The following CENPP variants were observed in gnomAD, a reference collection of about 807,000 sequenced individuals.
CENPP encodes the protein centromere protein P.
Under a neutral mutation model 35.6 loss-of-function variants are expected in CENPP, and 24 were observed. That is an observed-to-expected ratio of 0.67 (90% CI 0.49 to 0.95). The LOEUF (loss-of-function observed/expected upper bound fraction) is 0.95. CENPP is among the 40% of genes least tolerant of loss of function. CENPP has a pLI of 0.00. For synonymous variants in CENPP, 120 were observed against 125.5 expected, an observed-to-expected ratio of 0.96 and a Z score of 0.29; for missense variants, 332 against 345.3, an observed-to-expected ratio of 0.96 and a Z score of 0.31.
chr9:92,479,869 A>G (rs1171815324), intron 5 of CENPP, among the ~76,000 whole-genome samples: 1 of 152,188 alleles, frequency 6.6e-6, no homozygotes, highest in East Asian at 1.9e-4. Flanking sequence ...AATCAAGTAT[A>G]GGTCCTAAAC....
At chr9:92,449,136 T>A (rs1163025167) in intron 5 of CENPP, among the ~76,000 whole-genome samples, 2 of 152,024 alleles carry the variant, frequency 1.3e-5, no homozygotes, top group Non-Finnish European at 2.9e-5. Context: ...TTTCCTTAGC[T>A]CCTACACCTA....
At chr9:92,548,686 G>C (rs1051488793) in intron 5 of CENPP, among the ~76,000 whole-genome samples, 3 of 152,144 alleles carry the variant, frequency 2.0e-5, no homozygotes, top group Non-Finnish European at 4.4e-5. Flanking sequence ...ACAAAAAATA[G>C]GCAAGATATC....
intron 5 of CENPP, among the ~76,000 whole-genome samples, chr9:92,508,794 G>A (rs1471492548): frequency 1.3e-5 from 2 of 151,766 alleles, no homozygotes; most frequent in Admixed American, 6.6e-5. Flanking sequence ...AAGTTTTTTG[G>A]GAGCTACAGG....
intron 5 of CENPP, among the ~76,000 whole-genome samples, chr9:92,422,274 G>A (rs1464024135): frequency 2.6e-5 from 4 of 152,004 alleles, no homozygotes; most frequent in Non-Finnish European, 5.9e-5. Flanking sequence ...GCCTGGTCTC[G>A]AACTCCTGAC....
At chr9:92,570,811 G>A (rs1464157732) in intron 5 of CENPP, among the ~76,000 whole-genome samples, 1 of 152,178 alleles carries the variant, frequency 6.6e-6, no homozygotes, top group Non-Finnish European at 1.5e-5. Flanking sequence ...TCTTGGGAGG[G>A]TGTATGTGTC....
At chr9:92,412,389 A>C (rs138030823) in intron 5 of CENPP, among the ~76,000 whole-genome samples, 3 of 152,304 alleles carry the variant, frequency 2.0e-5, no homozygotes, top group African/African-American at 7.2e-5. Flanking sequence ...ACCCAGCCTA[A>C]AGTATACAAT....
chr9:92,500,658 T>A, intron 5 of CENPP: 1 of 1,456,486 alleles, frequency 6.9e-7, no homozygotes, highest in Non-Finnish European at 9.4e-7. Flanking sequence ...AGAGATCATG[T>A]CATGGTTGTT....
intron 5 of CENPP, among the ~76,000 whole-genome samples, chr9:92,488,520 C>CT (rs1367575051): frequency 6.6e-6 from 1 of 152,154 alleles, no homozygotes; most frequent in Non-Finnish European, 1.5e-5. Flanking sequence ...TCCATTATAG[C>CT]TTTCACCATA....
intron 5 of CENPP, among the ~76,000 whole-genome samples, chr9:92,551,849 A>G (rs991703985): frequency 7.3e-5 from 11 of 149,878 alleles, no homozygotes; most frequent in African/African-American, 2.4e-4. Flanking sequence ...TGGTGTGTGT[A>G]TATATATATA....
In CENPP at chr9:92,349,947, G is replaced by A. The variant is rs1049912155; in HGVS notation, c.467+4160G>A. ...TAACCAGAAGTGGAATTGCTGAGTC[G>A]TATAAGAGTATGTTTAAATTTATAA... On this transcript the variant is annotated intron_variant, in intron 4 of 7. Transcript: ENST00000375587. 4.6e-5 allele frequency among the ~76,000 whole-genome samples: 7 copies of A among 152,230 alleles called. No homozygotes were observed. In the South Asian group the frequency reaches 6.2e-4, roughly 14 times the overall value.
intron 3 of CENPP, 64 bp downstream of exon 3, chr9:92,337,693 C>T: frequency 9.8e-7 from 1 of 1,017,614 alleles, no homozygotes; most frequent in South Asian, 1.3e-5. Context: ...AATTCCCACA[C>T]CCCAGCCTTC....
intron 5 of CENPP, among the ~76,000 whole-genome samples, chr9:92,553,450 G>A (rs1849656810): frequency 6.6e-6 from 1 of 152,042 alleles, no homozygotes; most frequent in Non-Finnish European, 1.5e-5. Context: ...AAAAAGGATG[G>A]TGGTATTTTG....
chr9:92,399,426 AC>A (rs1370937842), intron 5 of CENPP, among the ~76,000 whole-genome samples: 1 of 152,120 alleles, frequency 6.6e-6, no homozygotes, highest in Non-Finnish European at 1.5e-5. Flanking sequence ...AATTAGAGTT[AC>A]TAGATCTTTA....
intron 5 of CENPP, among the ~76,000 whole-genome samples, chr9:92,380,907 C>T (rs1463968217): frequency 1.3e-5 from 2 of 152,164 alleles, no homozygotes; most frequent in African/African-American, 4.8e-5. Context: ...ACGTGCTTTC[C>T]AGTCAGGTAT....
intron 5 of CENPP, among the ~76,000 whole-genome samples, chr9:92,609,053 C>T (rs888945016): frequency 6.6e-6 from 1 of 152,268 alleles, no homozygotes; most frequent in African/African-American, 2.4e-5. Context: ...TTACGGTCCT[C>T]ATGCAGTTGT....
chr9:92,349,786 C>T (rs1841398744), intron 4 of CENPP, among the ~76,000 whole-genome samples: 2 of 152,198 alleles, frequency 1.3e-5, no homozygotes, highest in African/African-American at 4.8e-5. Flanking sequence ...CACACATACA[C>T]ATGCATTCAT....
At position 92,517,839 on chromosome 9, in the gene CENPP, A is replaced by G. The variant is rs530853441; in HGVS notation, c.565-93475A>G. On this transcript the variant is annotated intron_variant, in intron 5 of 7. Coordinates refer to ENST00000375587, the MANE Select transcript of CENPP (RefSeq NM_001012267.3). ...AGGCGACCACACAGCTTTGTTGTAC[A>G]TGGTTATGCCCTTTACCAAACAGTG... The G allele has an allele frequency of 4.3e-6, 7 of 1,614,204 alleles. No homozygotes were observed. The highest frequency in any genetic ancestry group is 1.7e-5 in the Admixed American group (1 of 60,024).
rs866499339 is a variant in CENPP, at chr9:92,393,367, A to T, written c.564+13508A>T. The T allele has an allele frequency of 1.4e-5, 10 of 716,460 alleles. No individual in the cohort carries two copies. The African/African-American group carries it at 1.4e-4, about 10-fold the overall frequency. 44.4% of individuals were successfully genotyped at this position (716,460 alleles called of 1,614,324 possible). ...TTGAAGAGATGTTTTACAGAATCAT[A>T]AGAAAGATAGTCATGGTAACTCGTT... On this transcript the variant is annotated intron_variant, in intron 5 of 7. Coordinates refer to ENST00000375587, the MANE Select transcript of CENPP (RefSeq NM_001012267.3).
intron 2 of CENPP, among the ~76,000 whole-genome samples, chr9:92,336,605 T>C (rs1840938185): frequency 6.6e-6 from 1 of 152,162 alleles, no homozygotes; most frequent in Non-Finnish European, 1.5e-5. Flanking sequence ...CTTCTAAAAG[T>C]AACGTCATTA....
Sources: gnomAD v4.1 joint callset for allele counts (sites outside exome capture counted in the v4.1 genomes callset) on GRCh38, gnomAD v4.1.1 for gene constraint, MANE v1.5 for transcripts, NCBI Gene and HGNC (gene_info 2026-07-23, HGNC 2026-07-21) for gene names.